The following IRS1 variants were observed in gnomAD, a reference collection of about 807,000 sequenced individuals.
IRS1 encodes the protein insulin receptor substrate 1.
Under a neutral mutation model 65.6 loss-of-function variants are expected in IRS1, and 34 were observed. The observed-to-expected ratio is 0.52, with a 90% confidence interval of 0.39 to 0.69. The LOEUF (loss-of-function observed/expected upper bound fraction) is 0.69, where lower values mean the gene tolerates loss of function less well. IRS1 is among the 30% of genes least tolerant of loss of function. IRS1 has a pLI of 0.00. For synonymous variants in IRS1, 699 were observed against 683.5 expected (o/e 1.02, Z -0.35); for missense variants, 1,641 against 1,720.2 (o/e 0.95, Z 0.81).
chr2:226,774,963 C>A (rs1939240137), intron 1 of IRS1, among the ~76,000 whole-genome samples: 1 of 152,122 alleles, frequency 6.6e-6, no homozygotes, highest in South Asian at 2.1e-4. Context: ...ATAAGTGAAG[C>A]ACAGAGCATT....
chr2:226,787,629 A>C (rs1038739526), intron 1 of IRS1, among the ~76,000 whole-genome samples: 3 of 152,190 alleles, frequency 2.0e-5, no homozygotes, highest in Non-Finnish European at 4.4e-5. Context: ...AAAATGGCTT[A>C]GGGCCTATTT....
At chr2:226,753,822 T>C (rs867581557) in intron 1 of IRS1, among the ~76,000 whole-genome samples, 3 of 151,944 alleles carry the variant, frequency 2.0e-5, no homozygotes, top group African/African-American at 4.9e-5. Context: ...TTTGATAATA[T>C]ATTGTTTAAA....
chr2:226,767,141 G>A (rs919072406), intron 1 of IRS1, among the ~76,000 whole-genome samples: 8 of 152,136 alleles, frequency 5.3e-5, no homozygotes, highest in African/African-American at 1.9e-4. Flanking sequence ...TGTTAGAGCA[G>A]AATAGTATCT....
At chr2:226,778,407 T>C (rs2106175301) in intron 1 of IRS1, among the ~76,000 whole-genome samples, 1 of 152,282 alleles carries the variant, frequency 6.6e-6, no homozygotes, top group Admixed American at 6.5e-5. Flanking sequence ...TTGTGATGTA[T>C]GGATTTAACA....
chr2:226,743,282 T>G (rs959602456), intron 1 of IRS1, among the ~76,000 whole-genome samples: 10 of 150,818 alleles, frequency 6.6e-5, no homozygotes, highest in Non-Finnish European at 1.0e-4. Flanking sequence ...CAGGCAGGAG[T>G]GCAGTGGTGC....
chr2:226,778,732 A>G (rs1356509073), intron 1 of IRS1, among the ~76,000 whole-genome samples: 2 of 152,230 alleles, frequency 1.3e-5, no homozygotes, highest in African/African-American at 4.8e-5. Context: ...AGGTGGCCAC[A>G]CTTGTGGCCA....
intron 1 of IRS1, among the ~76,000 whole-genome samples, chr2:226,742,459 A>G (rs766486818): frequency 1.3e-5 from 2 of 152,232 alleles, no homozygotes; most frequent in Non-Finnish European, 2.9e-5. Context: ...CAACCAGCCA[A>G]GCCAGTGCTT....
chr2:226,790,472 T>C (rs1939568923), intron 1 of IRS1, among the ~76,000 whole-genome samples: 1 of 152,208 alleles, frequency 6.6e-6, no homozygotes, highest in Non-Finnish European at 1.5e-5. Flanking sequence ...ATTTTTACTA[T>C]AAAAAGATAC....
intron 1 of IRS1, among the ~76,000 whole-genome samples, chr2:226,779,566 C>T (rs969496136): frequency 6.6e-6 from 1 of 152,100 alleles, no homozygotes; most frequent in Non-Finnish European, 1.5e-5. Context: ...GTGAATCAAC[C>T]GTGAAGGGCC....
intron 1 of IRS1, among the ~76,000 whole-genome samples, chr2:226,791,954 A>G (rs556395529): frequency 6.6e-6 from 1 of 152,122 alleles, no homozygotes; most frequent in East Asian, 1.9e-4. Flanking sequence ...GAAGGAATGC[A>G]GGAAGCGGAG....
At chr2:226,781,865 TAC>T (rs34695433) in intron 1 of IRS1, among the ~76,000 whole-genome samples, 11,161 of 131,114 alleles carry the variant, frequency 0.085, 455 homozygotes, top group Middle Eastern at 0.15. Context: ...CACCCCTAAA[TAC>T]ACACACACAC....
intron 1 of IRS1, among the ~76,000 whole-genome samples, chr2:226,760,493 C>G (rs745350678): frequency 1.3e-5 from 2 of 152,076 alleles, no homozygotes; most frequent in African/African-American, 4.8e-5. Flanking sequence ...CAAATACATG[C>G]GGTCATAATT....
chr2:226,766,141 A>T (rs1404072507), intron 1 of IRS1, among the ~76,000 whole-genome samples: 4 of 3,352 alleles, frequency 1.2e-3, no homozygotes, highest in Admixed American at 5.0e-3. Flanking sequence ...ATATATATAT[A>T]TATATATATA....
chr2:226,777,219 T>A (rs1277600175), intron 1 of IRS1, among the ~76,000 whole-genome samples: 1 of 152,166 alleles, frequency 6.6e-6, no homozygotes, highest in Non-Finnish European at 1.5e-5. Flanking sequence ...ATGCAAGATG[T>A]TAATAAAGGC....
chr2:226,787,426 A>C (rs998240090), intron 1 of IRS1, among the ~76,000 whole-genome samples: 6 of 152,114 alleles, frequency 3.9e-5, no homozygotes, highest in African/African-American at 1.4e-4. Flanking sequence ...CGGAATCTTG[A>C]TTTGGTTTTC....
In IRS1 at chr2:226,797,902, G is replaced by A. The variant is rs1221205208; in HGVS notation, c.837C>T (p.Pro279=). Residue 279 remains proline, a synonymous_variant, in exon 1 of 2, where the codon CCC becomes CCT. Transcript: ENST00000305123. The surrounding 1 kb of genome is among the most constrained non-coding windows in gnomAD (Gnocchi z 8.1). ...GGTGCCGGCGCAGGGGGACGCTGAT[G>A]GGGTTAGAGCAGTTGGACGAGGACT... ...KSQSSSNCSN[P]ISVPLRRHHL... is the part of the protein sequence containing the mutation. 1.1e-5 allele frequency: 17 copies of A among 1,612,468 alleles called. No individual in the cohort carries two copies. The highest frequency in any genetic ancestry group is 1.4e-5 in the Non-Finnish European group (17 of 1,179,102).
At chr2:226,781,851 T>A (rs1433999867) in intron 1 of IRS1, among the ~76,000 whole-genome samples, 1 of 129,380 alleles carries the variant, frequency 7.7e-6, no homozygotes, top group Non-Finnish European at 1.6e-5. Context: ...CTTGCCCTCC[T>A]CCTCACCCCT....
chr2:226,738,413 C>G (rs1285519426), intron 1 of IRS1, among the ~76,000 whole-genome samples: 1 of 152,180 alleles, frequency 6.6e-6, no homozygotes, highest in South Asian at 2.1e-4. Flanking sequence ...CAAATGATGA[C>G]TCTAGTTTTA....
intron 1 of IRS1, among the ~76,000 whole-genome samples, chr2:226,747,817 C>T (rs752155944): frequency 6.6e-6 from 1 of 152,032 alleles, no homozygotes; most frequent in Non-Finnish European, 1.5e-5. Flanking sequence ...AAAAACTTTG[C>T]CCCACAGGGA....
Sources: allele counts gnomAD v4.1 joint callset (sites outside exome capture counted in the v4.1 genomes callset), GRCh38; gene constraint gnomAD v4.1.1; non-coding constraint Gnocchi (gnomAD v3.1); transcripts MANE v1.5; gene names NCBI Gene and HGNC (gene_info 2026-07-23, HGNC 2026-07-21).